DMD: variants seen among roughly 807,000 people sequenced by gnomAD.
DMD encodes the protein dystrophin.
A neutral mutation model predicts 330.1 loss-of-function variants in DMD; 63 were observed. That is an observed-to-expected ratio of 0.19 (90% confidence interval 0.16 to 0.24). The LOEUF (loss-of-function observed/expected upper bound fraction) is 0.24. DMD is among the 10% of genes least tolerant of loss of function. The probability of loss-of-function intolerance (pLI) is 1.00; values close to 1 mark genes in which losing one functional copy is unlikely to be tolerated. For synonymous variants in DMD, 1,223 were observed against 959.8 expected (o/e 1.27, Z -5.07); for missense variants, 3,344 against 2,684.1 (o/e 1.25, Z -5.43).
At chrX:32,554,852 G>GA (rs2050023305) in intron 16 of DMD, among the ~76,000 whole-genome samples, 1 of 62,945 alleles carries the variant, frequency 1.6e-5, no homozygotes, top group Admixed American at 1.8e-4. Context: ...GAGAGAGAGA[G>GA]AGAGAGAGAG....
intron 1 of DMD, among the ~76,000 whole-genome samples, chrX:33,129,312 C>T (rs1448034024): frequency 5.8e-5 from 4 of 68,550 alleles, no homozygotes; most frequent in Non-Finnish European, 1.0e-4. Flanking sequence ...TCCAGAGTTA[C>T]AGTTAAGGTT....
At chrX:31,459,738 C>T (rs889824380) in intron 59 of DMD, among the ~76,000 whole-genome samples, 4 of 111,844 alleles carry the variant, frequency 3.6e-5, no homozygotes, top group African/African-American at 9.7e-5. Context: ...GAGAATTTGG[C>T]GTTTCAGGGC....
chrX:32,820,602 G>C (rs946525692), intron 5 of DMD, among the ~76,000 whole-genome samples: 1 of 111,789 alleles, frequency 8.9e-6, no homozygotes, highest in Non-Finnish European at 1.9e-5. Flanking sequence ...ATAAGAAGTA[G>C]TATAAACAAT....
rs781198346 is a variant in DMD, at chrX:31,520,828, C to A, written c.8218-13375G>T. Reference sequence around the variant, plus strand: ...CCAAGTAGCTGGGACTACAGGCGCCCGCCACCACGCCCGGCTAATTTTTTG... The same window carrying A: ...CCAAGTAGCTGGGACTACAGGCGCCAGCCACCACGCCCGGCTAATTTTTTG... On this transcript the variant is annotated intron_variant, in intron 55 of 78. Coordinates refer to ENST00000357033, the MANE Select transcript of DMD (RefSeq NM_004006.3). Among the ~76,000 whole-genome samples, 2 of 109,963 alleles carry A rather than the reference C, an allele frequency of 1.8e-5. 1 individual carries two copies. The highest frequency in any genetic ancestry group is 7.9e-4 in the South Asian group (2 of 2,527).
chrX:31,756,313 T>C (rs1282441382), intron 51 of DMD, among the ~76,000 whole-genome samples: 1 of 106,372 alleles, frequency 9.4e-6, no homozygotes, highest in Non-Finnish European at 2.0e-5. Context: ...ATAAAGCCTA[T>C]TTTAATGTAT....
At chrX:32,303,669 C>G in intron 42 of DMD, among the ~76,000 whole-genome samples, 1 of 110,479 alleles carries the variant, frequency 9.1e-6, no homozygotes, top group African/African-American at 3.3e-5. Flanking sequence ...ATTAGAAAAA[C>G]CCATTAGTAA....
rs2060502472 is a variant in DMD at position 31,387,585 on chromosome X, A to G, written c.9085-38951T>C. Among the ~76,000 whole-genome samples the G allele has an allele frequency of 2.7e-5, 3 of 111,105 alleles. No individual in the cohort carries two copies. In the Admixed American group the frequency reaches 2.9e-4, roughly 11 times the overall value. On this transcript the variant is annotated intron_variant, in intron 60 of 78. Transcript: ENST00000357033. ...TGGCTAAGTTTTGTATTTTTAGTAG[A>G]GACGCGGTTTTGCCATGTTGGCCAG...
chrX:33,038,696 G>A (rs1487775609), intron 1 of DMD, among the ~76,000 whole-genome samples: 1 of 112,198 alleles, frequency 8.9e-6, no homozygotes, highest in African/African-American at 3.2e-5. Flanking sequence ...TGTAAAACTT[G>A]AGAAATGAAC....
chrX:31,979,529 T>C lies in DMD; in HGVS notation c.6439-11015A>G, dbSNP rs138108739. 1.4e-4 allele frequency among the ~76,000 whole-genome samples: 16 copies of C among 112,213 alleles called. No individual in the cohort carries two copies. The East Asian group carries it at 4.2e-3, about 30-fold the overall frequency. ...ATGTGGTGAAACTGCAGAATTTTTATGCACGTTGAAAGAATCTCTAAGAGC... is the reference window on the plus strand; with the variant it reads ...ATGTGGTGAAACTGCAGAATTTTTACGCACGTTGAAAGAATCTCTAAGAGC... On this transcript the variant is annotated intron_variant, in intron 44 of 78. Transcript: ENST00000357033.
chrX:33,209,056 T>C (rs1235258931), intron 1 of DMD, among the ~76,000 whole-genome samples: 1 of 111,394 alleles, frequency 9.0e-6, no homozygotes, highest in Non-Finnish European at 1.9e-5. Flanking sequence ...GAAGCTGTAT[T>C]AATATCTGTG....
At chrX:32,163,237 C>T (rs1325691793) in intron 44 of DMD, among the ~76,000 whole-genome samples, 1 of 111,655 alleles carries the variant, frequency 9.0e-6, no homozygotes, top group Non-Finnish European at 1.9e-5. Context: ...CCAAAAATAC[C>T]CAGAATCCAT....
chrX:32,889,865 G>T (rs745565939), intron 2 of DMD, among the ~76,000 whole-genome samples: 52 of 111,236 alleles, frequency 4.7e-4, no homozygotes, highest in Non-Finnish European at 2.8e-4. Flanking sequence ...CTGTTTGGTG[G>T]TCTCTTCACT....
At chrX:32,997,161 C>T (rs1054377294) in intron 2 of DMD, among the ~76,000 whole-genome samples, 7 of 111,001 alleles carry the variant, frequency 6.3e-5, no homozygotes, top group Admixed American at 1.9e-4. Flanking sequence ...CTGCCACAAT[C>T]TCACCTTTTA....
intron 16 of DMD, among the ~76,000 whole-genome samples, chrX:32,555,676 G>A (rs760252352): frequency 8.1e-5 from 9 of 111,050 alleles, no homozygotes; most frequent in South Asian, 3.8e-4. Context: ...ATAAGACCAC[G>A]CACCTACAAC....
chrX:32,581,028 G>C (rs754163605), intron 13 of DMD, among the ~76,000 whole-genome samples: 1 of 111,202 alleles, frequency 9.0e-6, no homozygotes, highest in African/African-American at 3.3e-5. Context: ...GTTTCACCAT[G>C]TTGGCTGGTC....
chrX:31,513,551 A>C (rs2071871341), intron 55 of DMD, among the ~76,000 whole-genome samples: 1 of 111,891 alleles, frequency 8.9e-6, no homozygotes, highest in African/African-American at 3.2e-5. Flanking sequence ...ATTTTTGGAT[A>C]GTTTTATTTC....
intron 37 of DMD, among the ~76,000 whole-genome samples, chrX:32,357,585 A>G (rs1221581976): frequency 4.6e-5 from 5 of 108,761 alleles, no homozygotes; most frequent in African/African-American, 1.7e-4. Flanking sequence ...ATAGCTCCCG[A>G]ACTTCATGTC....
At chrX:32,379,955 T>C (rs1369294647) in intron 34 of DMD, among the ~76,000 whole-genome samples, 1 of 110,993 alleles carries the variant, frequency 9.0e-6, no homozygotes, top group Non-Finnish European at 1.9e-5. Context: ...GTCTCTTGAC[T>C]AAGTTCTAAG....
At chrX:32,783,330 CATAT>C (rs763557282) in intron 7 of DMD, among the ~76,000 whole-genome samples, 2 of 101,190 alleles carry the variant, frequency 2.0e-5, no homozygotes, top group Non-Finnish European at 4.0e-5. Flanking sequence ...TATATACACA[CATAT>C]ATATACACAT....
Sources: allele counts gnomAD v4.1 joint callset (sites outside exome capture counted in the v4.1 genomes callset), GRCh38; gene constraint gnomAD v4.1.1; transcripts MANE v1.5; gene names NCBI Gene and HGNC (gene_info 2026-07-23, HGNC 2026-07-21).